The following TBC1D9 variants were observed in gnomAD, a reference collection of about 807,000 sequenced individuals.
TBC1D9 encodes TBC1 domain family member 9A.
In TBC1D9, 63 loss-of-function variants were observed where a neutral mutation model predicts 132.0. The observed-to-expected ratio is 0.48, with a 90% confidence interval of 0.39 to 0.59. The LOEUF (loss-of-function observed/expected upper bound fraction) is 0.59. TBC1D9 is among the 20% of genes least tolerant of loss of function. The pLI is 0.00. For missense variants in TBC1D9, 1,261 were observed against 1,592.7 expected (o/e 0.79, Z 3.54); for synonymous variants, 610 against 609.9 (o/e 1.00, Z 0.00).
chr4:140,724,559 C>G (rs141086811), intron 1 of TBC1D9, among the ~76,000 whole-genome samples: 2 of 151,826 alleles, frequency 1.3e-5, no homozygotes, highest in East Asian at 3.9e-4. Context: ...AATCCCAAAG[C>G]CATGAAAAAC....
At chr4:140,732,587 T>G (rs933994927) in intron 1 of TBC1D9, among the ~76,000 whole-genome samples, 1 of 152,212 alleles carries the variant, frequency 6.6e-6, no homozygotes, top group Non-Finnish European at 1.5e-5. Flanking sequence ...TAAGTACTTA[T>G]TTAATTAACT....
intron 16 of TBC1D9, among the ~76,000 whole-genome samples, chr4:140,632,114 A>C (rs1736803850): frequency 6.6e-6 from 1 of 152,236 alleles, no homozygotes; most frequent in African/African-American, 2.4e-5. Context: ...CTGGACTTCA[A>C]GACTCTTTTT....
chr4:140,624,213 C>T lies in TBC1D9; in HGVS notation c.2981G>A (p.Arg994Lys), dbSNP rs560192007. Residue 994 changes from arginine (R) to lysine (K), a missense_variant, in exon 20 of 21, where the codon AGA (arginine) becomes AAA (lysine). Transcript: ENST00000442267. ...ATTACGATTTTCTTGGGAATTTGCT[C>T]TCTTCCCTACAACCCAAATGTCAAG... ...TVSLKPDKGKRANSQENRNYL... is the reference protein window; with the variant it reads ...TVSLKPDKGKKANSQENRNYL... 418 of 1,611,522 alleles carry T rather than the reference C, an allele frequency of 2.6e-4. 6 individuals are homozygous for T. The South Asian group carries it at 4.4e-3, about 17-fold the overall frequency.
chr4:140,676,085 G>T (rs769534442), intron 6 of TBC1D9, among the ~76,000 whole-genome samples: 1 of 152,104 alleles, frequency 6.6e-6, no homozygotes, highest in South Asian at 2.1e-4. Context: ...GACAACTAGG[G>T]ACAACCCCTA....
chr4:140,739,244 C>T (rs1218821589), intron 1 of TBC1D9, among the ~76,000 whole-genome samples: 3 of 152,134 alleles, frequency 2.0e-5, no homozygotes, highest in African/African-American at 7.2e-5. Context: ...GCCCACCTCC[C>T]AAAGTGCTGG....
intron 13 of TBC1D9, chr4:140,642,457 T>C: frequency 1.1e-6 from 1 of 921,586 alleles, no homozygotes; most frequent in African/African-American, 1.6e-5. Context: ...AGTTAAGTAC[T>C]TGCTGCAGCC....
chr4:140,698,133 C>T (rs1010405631), intron 2 of TBC1D9, among the ~76,000 whole-genome samples: 4 of 152,186 alleles, frequency 2.6e-5, no homozygotes, highest in African/African-American at 9.6e-5. Flanking sequence ...AAATGTGATG[C>T]TTTCCCAATC....
intron 3 of TBC1D9, among the ~76,000 whole-genome samples, chr4:140,685,914 C>T (rs10857385): frequency 0.39 from 59,214 of 150,446 alleles, 13,027 homozygotes; most frequent in South Asian, 0.55. Flanking sequence ...TTCTAATGTT[C>T]CATAGTGACT....
chr4:140,674,184 G>A (rs991311264), intron 6 of TBC1D9, among the ~76,000 whole-genome samples: 1 of 152,142 alleles, frequency 6.6e-6, no homozygotes, highest in African/African-American at 2.4e-5. Context: ...AAACTACTAA[G>A]AAGGTAAATT....
chr4:140,710,931 T>C (rs946473903), intron 1 of TBC1D9, among the ~76,000 whole-genome samples: 33 of 152,290 alleles, frequency 2.2e-4, no homozygotes, highest in African/African-American at 6.5e-4. Context: ...CTTTTCTAAG[T>C]GTAGGTTCCT....
chr4:140,634,362 C>T (rs1309467152), intron 15 of TBC1D9, among the ~76,000 whole-genome samples, 174 bp from the exon 16 acceptor site: 1 of 152,172 alleles, frequency 6.6e-6, no homozygotes, highest in Admixed American at 6.5e-5. Flanking sequence ...CTCCACTTGA[C>T]CAGCCCTTCA....
chr4:140,696,176 G>A (rs72718395), intron 2 of TBC1D9, among the ~76,000 whole-genome samples: 15,542 of 77,020 alleles, frequency 0.2, 1,622 homozygotes, highest in African/African-American at 0.43. Flanking sequence ...AAAAGAGGCG[G>A]GCCAGGCGTG....
At chr4:140,689,593 T>G (rs1353993448) in intron 2 of TBC1D9, among the ~76,000 whole-genome samples, 1 of 86,348 alleles carries the variant, frequency 1.2e-5, no homozygotes, top group African/African-American at 4.8e-5. Flanking sequence ...TTCCCCCTTT[T>G]CTTCCCTTCC....
chr4:140,678,846 AC>A (rs1737663433), intron 5 of TBC1D9, 95 bp downstream of exon 5: 63 of 1,424,388 alleles, frequency 4.4e-5, no homozygotes, highest in Non-Finnish European at 6.0e-5. Context: ...AGTGTTCAGA[AC>A]CCTTGAAGAT....
At chr4:140,623,196 C>T (rs895645749) in intron 20 of TBC1D9, among the ~76,000 whole-genome samples, 4 of 152,108 alleles carry the variant, frequency 2.6e-5, no homozygotes, top group African/African-American at 9.7e-5. Flanking sequence ...ATGAACCTCC[C>T]ACCTCAGCCC....
chr4:140,746,353 C>T (rs1294957745), intron 1 of TBC1D9, among the ~76,000 whole-genome samples: 1 of 152,100 alleles, frequency 6.6e-6, no homozygotes, highest in Admixed American at 6.6e-5. Context: ...CACCTGAGAT[C>T]CATTAAACTC....
intron 2 of TBC1D9, among the ~76,000 whole-genome samples, chr4:140,695,692 G>A (rs1427647477): frequency 6.6e-6 from 1 of 152,072 alleles, no homozygotes; most frequent in Non-Finnish European, 1.5e-5. Flanking sequence ...TCCTTATAAT[G>A]GGCAGAAAGC....
intron 3 of TBC1D9, among the ~76,000 whole-genome samples, chr4:140,686,034 C>T (rs961482678): frequency 5.9e-5 from 9 of 152,064 alleles, no homozygotes; most frequent in African/African-American, 2.2e-4. Context: ...TGATGACTAC[C>T]CCACATACCT....
chr4:140,699,607 T>C (rs540006309), intron 2 of TBC1D9, among the ~76,000 whole-genome samples: 5 of 152,282 alleles, frequency 3.3e-5, no homozygotes, highest in Non-Finnish European at 7.3e-5. Flanking sequence ...GATCAGTATC[T>C]TTCAAAACTG....
Sources: allele counts gnomAD v4.1 joint callset (sites outside exome capture counted in the v4.1 genomes callset), GRCh38; gene constraint gnomAD v4.1.1; transcripts MANE v1.5; gene names NCBI Gene and HGNC (gene_info 2026-07-23, HGNC 2026-07-21).